The following AUTS2 variants were observed in gnomAD, a reference collection of about 807,000 sequenced individuals.
The protein encoded by AUTS2 is autism susceptibility gene 2 protein.
In AUTS2, 17 loss-of-function variants were observed where a neutral mutation model predicts 112.4. The observed-to-expected ratio is 0.15, with a 90% CI of 0.10 to 0.23. The LOEUF (loss-of-function observed/expected upper bound fraction) is 0.23. AUTS2 is among the 10% of genes least tolerant of loss of function. The pLI, the probability that AUTS2 is intolerant of heterozygous loss-of-function variation, is 1.00. For synonymous variants in AUTS2, 751 were observed against 702.7 expected (o/e 1.07, Z -1.09); for missense variants, 1,510 against 1,701.6 (o/e 0.89, Z 1.98).
intron 1 of AUTS2, among the ~76,000 whole-genome samples, chr7:69,772,200 C>A (rs1473771520): frequency 6.6e-6 from 1 of 152,202 alleles, no homozygotes; most frequent in East Asian, 1.9e-4. Flanking sequence ...TGTGCAATTT[C>A]TGGATAACTG....
chr7:70,177,092 G>A (rs73169993), intron 4 of AUTS2, among the ~76,000 whole-genome samples: 5,858 of 152,166 alleles, frequency 0.038, 152 homozygotes, highest in Middle Eastern at 0.082. Context: ...ATTAAATCCC[G>A]TGCTTTGCCC....
chr7:70,592,373 AT>A (rs1010347383), intron 5 of AUTS2, among the ~76,000 whole-genome samples: 1 of 150,442 alleles, frequency 6.6e-6, no homozygotes, highest in Non-Finnish European at 1.5e-5. Flanking sequence ...TATTTATTTT[AT>A]TTTTTTTTGA....
At chr7:70,661,306 T>C (rs1203678194) in intron 5 of AUTS2, among the ~76,000 whole-genome samples, 1 of 152,118 alleles carries the variant, frequency 6.6e-6, no homozygotes, top group African/African-American at 2.4e-5. Context: ...CGTAGGGGGC[T>C]TCACAGGTAG....
chr7:69,664,890 A>C (rs538270870), intron 1 of AUTS2, among the ~76,000 whole-genome samples: 26 of 152,278 alleles, frequency 1.7e-4, no homozygotes, highest in Non-Finnish European at 3.1e-4. Flanking sequence ...GGGACTATGA[A>C]ATGATTGTTG....
chr7:69,795,981 G>T (rs1789823737), intron 1 of AUTS2, among the ~76,000 whole-genome samples: 1 of 152,120 alleles, frequency 6.6e-6, no homozygotes, highest in Admixed American at 6.6e-5. Context: ...TAGTTACCTC[G>T]ATTAAAAAAT....
intron 4 of AUTS2, among the ~76,000 whole-genome samples, chr7:70,355,208 T>G (rs529509954): frequency 6.6e-6 from 1 of 152,214 alleles, no homozygotes; most frequent in East Asian, 1.9e-4. Context: ...GGCACAAATT[T>G]CTGACCCTTC....
At chr7:70,495,932 TCACA>T (rs773711549) in intron 5 of AUTS2, among the ~76,000 whole-genome samples, 1 of 70,090 alleles carries the variant, frequency 1.4e-5, no homozygotes, top group African/African-American at 5.7e-5. Context: ...ACGTACACAG[TCACA>T]CACACACACC....
At chr7:70,273,876 T>C (rs1475938280) in intron 4 of AUTS2, among the ~76,000 whole-genome samples, 1 of 152,226 alleles carries the variant, frequency 6.6e-6, no homozygotes, top group South Asian at 2.1e-4. Flanking sequence ...ATCACTTTGA[T>C]AGGCTATTTA....
intron 2 of AUTS2, among the ~76,000 whole-genome samples, chr7:70,051,381 A>G (rs937266423): frequency 7.2e-4 from 109 of 152,310 alleles, no homozygotes; most frequent in African/African-American, 2.6e-3. Flanking sequence ...GAAAGCAAAT[A>G]ATGGTCAAAA....
At chr7:70,009,369 A>G (rs980519926) in intron 2 of AUTS2, among the ~76,000 whole-genome samples, 1 of 152,214 alleles carries the variant, frequency 6.6e-6, no homozygotes, top group African/African-American at 2.4e-5. Context: ...GACATGGTTA[A>G]ACCATAGTAA....
At chr7:70,332,663 A>G (rs1157645454) in intron 4 of AUTS2, among the ~76,000 whole-genome samples, 1 of 152,048 alleles carries the variant, frequency 6.6e-6, no homozygotes, top group Non-Finnish European at 1.5e-5. Context: ...ACACCACACA[A>G]CTACAACCAT....
intron 1 of AUTS2, among the ~76,000 whole-genome samples, chr7:69,759,728 C>T (rs1315216241): frequency 1.0e-4 from 14 of 136,426 alleles, no homozygotes; most frequent in Non-Finnish European, 3.1e-5. Context: ...GCTTTCATAG[C>T]CCCCACTTTA....
intron 3 of AUTS2, chr7:70,120,176 A>G (rs1805609346): frequency 6.6e-6 from 1 of 152,174 alleles, no homozygotes; most frequent in African/African-American, 2.4e-5. Flanking sequence ...AGATACAATC[A>G]CATTTCTGCA....
Position 70,766,482 on chromosome 7 carries a change from G to A in AUTS2, c.1689+148G>A, listed in dbSNP as rs1012627612. The A allele has an allele frequency of 1.9e-6, 2 of 1,047,080 alleles. No homozygotes were observed. The highest frequency in any genetic ancestry group is 2.8e-6 in the Non-Finnish European group (2 of 711,888). 64.9% of individuals were successfully genotyped at this position (1,047,080 alleles called of 1,614,324 possible). A position where few individuals can be genotyped will look rare whatever the true frequency, so the allele number is the denominator to read the frequency against. On this transcript the variant is annotated intron_variant, in intron 9 of 18. Transcript: ENST00000342771. The surrounding 1 kb of genome is among the most constrained non-coding windows in gnomAD (Gnocchi z 4.8). ...TGGAGAGAAGGGAATGTGTCCTAGTGCCCTGCCTCAGGCAGCTCTGACTTC... is the reference window on the plus strand; with the variant it reads ...TGGAGAGAAGGGAATGTGTCCTAGTACCCTGCCTCAGGCAGCTCTGACTTC...
chr7:69,824,237 C>A (rs1301261531), intron 1 of AUTS2, among the ~76,000 whole-genome samples: 2 of 151,962 alleles, frequency 1.3e-5, no homozygotes, highest in Non-Finnish European at 2.9e-5. Context: ...CACGGTGAAA[C>A]CCCATCTCTA....
chr7:70,237,983 A>G (rs181954032), intron 4 of AUTS2, among the ~76,000 whole-genome samples: 144 of 152,352 alleles, frequency 9.5e-4, no homozygotes, highest in Middle Eastern at 3.4e-3. Context: ...ACAGTAATTC[A>G]TAGTGCTCTA....
intron 6 of AUTS2, among the ~76,000 whole-genome samples, chr7:70,755,436 G>A (rs916557313): frequency 2.6e-5 from 4 of 151,924 alleles, no homozygotes; most frequent in South Asian, 2.1e-4. Flanking sequence ...AGGCCGAGGC[G>A]GGGGTGGATC....
intron 5 of AUTS2, among the ~76,000 whole-genome samples, chr7:70,604,859 A>G (rs1803649836): frequency 6.6e-6 from 1 of 152,194 alleles, no homozygotes; most frequent in African/African-American, 2.4e-5. Flanking sequence ...GGGGAAAGAG[A>G]CTTAACCCAG....
At chr7:69,698,041 G>C (rs1797630673) in intron 1 of AUTS2, among the ~76,000 whole-genome samples, 1 of 152,134 alleles carries the variant, frequency 6.6e-6, no homozygotes, top group Non-Finnish European at 1.5e-5. Flanking sequence ...AGAAACTCCT[G>C]TTATCCTAAG....
Sources: allele counts gnomAD v4.1 joint callset (sites outside exome capture counted in the v4.1 genomes callset), GRCh38; gene constraint gnomAD v4.1.1; non-coding constraint Gnocchi (gnomAD v3.1); transcripts MANE v1.5; gene names NCBI Gene and HGNC (gene_info 2026-07-23, HGNC 2026-07-21).